SUMO3: variants seen among roughly 807,000 people sequenced by gnomAD.
The protein encoded by SUMO3 is small ubiquitin-related modifier 3.
A neutral mutation model predicts 11.1 loss-of-function variants in SUMO3; 2 were observed. The observed-to-expected ratio is 0.18, with a 90% confidence interval of 0.07 to 0.57. The LOEUF (loss-of-function observed/expected upper bound fraction) is 0.57. Ranked by LOEUF, SUMO3 falls within the 20% of genes least tolerant of loss-of-function variation. The pLI is 0.92. For missense variants in SUMO3, 70 were observed against 132.8 expected (o/e 0.53, Z 2.32); for synonymous variants, 56 against 53.5 (o/e 1.05, Z -0.20).
At position 44,807,141 on chromosome 21, in the gene SUMO3, C is replaced by G; in HGVS notation, c.223-101G>C. On this transcript the variant is annotated intron_variant, in intron 3 of 3. Coordinates refer to ENST00000332859, the MANE Select transcript of SUMO3 (RefSeq NM_006936.3). The surrounding 1 kb of genome is among the most constrained non-coding windows in gnomAD (Gnocchi z 4.3). Reference sequence around the variant, plus strand: ...TCACTGGCATGAGTGTTCCCTGACACTAGCGACATCACCTGGTCACACCTT... The same window carrying G: ...TCACTGGCATGAGTGTTCCCTGACAGTAGCGACATCACCTGGTCACACCTT... 7.1e-6 allele frequency: 10 copies of G among 1,413,428 alleles called. No homozygotes were observed. The highest frequency in any genetic ancestry group is 9.6e-6 in the Non-Finnish European group (10 of 1,036,598). The allele number at this position is 1,413,428 out of a possible 1,614,324, so 87.6% of individuals were successfully genotyped here.
chr21:44,809,467 C>T (rs1308294064), intron 2 of SUMO3, among the ~76,000 whole-genome samples: 3 of 152,190 alleles, frequency 2.0e-5, no homozygotes, highest in Non-Finnish European at 2.9e-5. Context: ...ATACTGGGAA[C>T]TTCTTAAAGC....
intron 2 of SUMO3, chr21:44,813,415 C>T (rs2083224043): frequency 5.1e-6 from 1 of 195,940 alleles, no homozygotes; most frequent in Admixed American, 5.3e-5. Flanking sequence ...AAACAGCAGC[C>T]AGAAGGCATC....
rs2083209174 is a variant in SUMO3, at chr21:44,811,056, CCACACATA to C, written c.151-1946_151-1939del. ...CACCCACATACACACACGCACACAC[CCACACATA>C]CACACACACGAATGCACACATGCAC... On this transcript the variant is annotated intron_variant, in intron 2 of 3. Transcript: ENST00000332859. This position sits in a 1 kb window ranked among gnomAD's most constrained non-coding sequence, Gnocchi z 5.0. Among the ~76,000 whole-genome samples the C allele has an allele frequency of 2.2e-5, 3 of 135,752 alleles. No individual in the cohort carries two copies. Among genetic ancestry groups the C allele is most frequent in the Admixed American group, 7.5e-5 (1 of 13,408 alleles). The allele number at this position is 135,752 out of a possible 152,430, so 89.1% of individuals were successfully genotyped here.
In SUMO3 at chr21:44,807,139, C is replaced by T. The variant is rs2083182458; in HGVS notation, c.223-99G>A. 1 of 1,424,710 alleles carries T rather than the reference C, an allele frequency of 7.0e-7. No individual in the cohort carries two copies. Among genetic ancestry groups the T allele is most frequent in the South Asian group, 1.3e-5 (1 of 77,624 alleles). 88.3% of individuals were successfully genotyped at this position (1,424,710 alleles called of 1,614,324 possible). A position where few individuals can be genotyped will look rare whatever the true frequency, so the allele number is the denominator to read the frequency against. On this transcript the variant is annotated intron_variant, in intron 3 of 3. Coordinates refer to ENST00000332859, the MANE Select transcript of SUMO3 (RefSeq NM_006936.3). The surrounding 1 kb of genome is among the most constrained non-coding windows in gnomAD (Gnocchi z 4.3). ...CCTCACTGGCATGAGTGTTCCCTGA[C>T]ACTAGCGACATCACCTGGTCACACC...
At chr21:44,817,694 G>A (rs1402331764) in intron 1 of SUMO3, among the ~76,000 whole-genome samples, 1 of 151,158 alleles carries the variant, frequency 6.6e-6, no homozygotes. Context: ...CGCCTTCCCA[G>A]CTGGGGAGGA....
intron 1 of SUMO3, among the ~76,000 whole-genome samples, 161 bp downstream of exon 1, chr21:44,817,787 G>A (rs980125578): frequency 3.4e-5 from 2 of 59,508 alleles, no homozygotes; most frequent in African/African-American, 1.3e-4. Context: ...CAGAGGGGGC[G>A]CACCTTGGGC....
chr21:44,810,729 C>A lies in SUMO3; in HGVS notation c.151-1611G>T, dbSNP rs2083204821. Among the ~76,000 whole-genome samples, 1 of 152,166 alleles carries A rather than the reference C, an allele frequency of 6.6e-6. No homozygotes were observed. Among genetic ancestry groups the A allele is most frequent in the Non-Finnish European group, 1.5e-5 (1 of 68,026 alleles). Reference sequence around the variant, plus strand: ...CCATGTGGATGCACAGCCCTGGCAGCACAGCCATCCATGTACACAGCTTTT... The same window carrying A: ...CCATGTGGATGCACAGCCCTGGCAGAACAGCCATCCATGTACACAGCTTTT... On this transcript the variant is annotated intron_variant, in intron 2 of 3. Transcript: ENST00000332859. The surrounding 1 kb of genome is among the most constrained non-coding windows in gnomAD (Gnocchi z 4.1).
chr21:44,808,669 C>T, intron 3 of SUMO3: 1 of 1,370,376 alleles, frequency 7.3e-7, no homozygotes, highest in South Asian at 1.8e-5. Flanking sequence ...TCTGCCCACC[C>T]ACGTCACTTG....
chr21:44,813,697 T>C (rs1279020857), intron 2 of SUMO3: 1 of 918,626 alleles, frequency 1.1e-6, no homozygotes. Context: ...TAGTACCCCA[T>C]GGAGAACACA....
At chr21:44,813,550 G>C (rs542280362) in intron 2 of SUMO3, 2 of 437,492 alleles carry the variant, frequency 4.6e-6, no homozygotes, top group African/African-American at 3.9e-5. Context: ...TGAGGGCAGT[G>C]TCTCTCCAGG....
rs769110131 is a variant in SUMO3, at chr21:44,806,893, C to T, written c.*58G>A. On this transcript the variant is annotated 3_prime_UTR_variant, in exon 4 of 4. Coordinates refer to ENST00000332859, the MANE Select transcript of SUMO3 (RefSeq NM_006936.3). The stretch of plus-strand genomic sequence containing the variant: ...GACACCTTTGTGGTCGGCATGGTCA[C>T]GTGCTCACCATTCAACAGCAATGCG... 2.7e-4 allele frequency: 432 copies of T among 1,607,306 alleles called. No individual in the cohort carries two copies. Among genetic ancestry groups the T allele is most frequent in the Non-Finnish European group, 3.5e-4 (412 of 1,175,606 alleles).
At position 44,810,033 on chromosome 21, in the gene SUMO3, C is replaced by G. The variant is rs1381099730; in HGVS notation, c.151-915G>C. On this transcript the variant is annotated intron_variant, in intron 2 of 3. Transcript: ENST00000332859. This position sits in a 1 kb window ranked among gnomAD's most constrained non-coding sequence, Gnocchi z 4.1. ...CTGCATGAGGCCGGGGAGCAGTTACCACCATGACTTTGGCCTTGAGGAGGG... is the reference window on the plus strand; with the variant it reads ...CTGCATGAGGCCGGGGAGCAGTTACGACCATGACTTTGGCCTTGAGGAGGG... Among the ~76,000 whole-genome samples, 5 of 152,208 alleles carry G rather than the reference C, an allele frequency of 3.3e-5. No homozygotes were observed. The highest frequency in any genetic ancestry group is 3.3e-4 in the Admixed American group (5 of 15,284).
chr21:44,814,280 T>C (rs190809365), intron 1 of SUMO3, among the ~76,000 whole-genome samples, 176 bp from the exon 2 acceptor site: 1 of 152,378 alleles, frequency 6.6e-6, no homozygotes, highest in East Asian at 1.9e-4. Flanking sequence ...ACAGAATTTA[T>C]TTTTAACTTC....
rs1182344968 is a variant in SUMO3 at position 44,805,654 on chromosome 21, A to C, written c.*1297T>G. 6.6e-6 allele frequency: 1 copy of C among 152,668 alleles called. No homozygotes were observed. The highest frequency in any genetic ancestry group is 1.5e-5 in the Non-Finnish European group (1 of 68,050). 9.5% of individuals were successfully genotyped at this position (152,668 alleles called of 1,614,324 possible). A position where few individuals can be genotyped will look rare whatever the true frequency, so the allele number is the denominator to read the frequency against. ...AACTATATTTACTGTTTACAGTAGT[A>C]AAGGACAACAAATAATGTACAAATT... On this transcript the variant is annotated 3_prime_UTR_variant, in exon 4 of 4. Coordinates refer to ENST00000332859, the MANE Select transcript of SUMO3 (RefSeq NM_006936.3).
chr21:44,814,152 C>G, intron 1 of SUMO3, 48 bp from the exon 2 acceptor site: 1 of 1,592,110 alleles, frequency 6.3e-7, no homozygotes, highest in African/African-American at 1.3e-5. Context: ...CTCAAAATAA[C>G]CGCGACTTGA....
intron 1 of SUMO3, among the ~76,000 whole-genome samples, chr21:44,817,716 A>T (rs1354219509): frequency 9.0e-5 from 13 of 143,798 alleles, no homozygotes. Context: ...ACGGGCGTGG[A>T]GCGGAGGCGT....
At chr21:44,812,889 C>A (rs2083220840) in intron 2 of SUMO3, among the ~76,000 whole-genome samples, 1 of 152,256 alleles carries the variant, frequency 6.6e-6, no homozygotes. Flanking sequence ...GGGCCAGGGC[C>A]CAGCATCAGG....
chr21:44,817,173 G>A (rs2083250051), intron 1 of SUMO3, among the ~76,000 whole-genome samples: 2 of 141,936 alleles, frequency 1.4e-5, no homozygotes, highest in Non-Finnish European at 3.1e-5. Flanking sequence ...GGGGCGTGAT[G>A]GGGAGGCGTG....
chr21:44,806,791 A>T lies in SUMO3; in HGVS notation c.*160T>A. ...ATTTAAGTTACAGATTCATCCCTGC[A>T]GATATAGTTTTGAGTTGCACTTGAA... is the stretch of plus-strand genomic sequence containing the variant. On this transcript the variant is annotated 3_prime_UTR_variant, in exon 4 of 4. Coordinates refer to ENST00000332859, the MANE Select transcript of SUMO3 (RefSeq NM_006936.3). 7.0e-7 allele frequency: 1 copy of T among 1,427,130 alleles called. No individual in the cohort carries two copies. The highest frequency in any genetic ancestry group is 9.2e-7 in the Non-Finnish European group (1 of 1,084,140). The allele number at this position is 1,427,130 out of a possible 1,614,324, so 88.4% of individuals were successfully genotyped here.
Sources: allele counts gnomAD v4.1 joint callset (sites outside exome capture counted in the v4.1 genomes callset), GRCh38; gene constraint gnomAD v4.1.1; non-coding constraint Gnocchi (gnomAD v3.1); transcripts MANE v1.5; gene names NCBI Gene and HGNC (gene_info 2026-07-23, HGNC 2026-07-21).